LCOR: variants seen among roughly 807,000 people sequenced by gnomAD.
LCOR encodes ligand dependent nuclear receptor corepressor.
Under a neutral mutation model 64.4 loss-of-function variants are expected in LCOR, and 14 were observed. The ratio of observed to expected loss-of-function variants is 0.22; its 90% CI spans 0.14 to 0.34. The LOEUF (loss-of-function observed/expected upper bound fraction) is 0.34. LCOR is among the 10% of genes least tolerant of loss of function. LCOR has a pLI of 1.00. For synonymous variants in LCOR, 643 were observed against 642.5 expected, an observed-to-expected ratio of 1.00 and a Z score of -0.01; for missense variants, 1,686 against 1,765.3, an observed-to-expected ratio of 0.96 and a Z score of 0.80.
At chr10:96,961,411 C>G (rs571636176) in intron 7 of LCOR, 2 of 151,786 alleles carry the variant, frequency 1.3e-5, no homozygotes, top group South Asian at 4.2e-4. Flanking sequence ...ACTCTTTTAC[C>G]CCATCTTGAA....
Position 96,949,137 on chromosome 10 carries a change from GCA to G in LCOR, c.83_84del (p.Thr28LysfsTer32). The G allele has an allele frequency of 6.2e-7, 1 of 1,613,960 alleles. No homozygotes were observed. The highest frequency in any genetic ancestry group is 8.5e-7 in the Non-Finnish European group (1 of 1,179,972). ...ACTCAGGACCCCAGCCAGCCCAATA[GCA>G]CAAAGAACCAAAGCCTGCCGAAAGC... On this transcript the variant is annotated frameshift_variant, in exon 6 of 8. Coordinates refer to ENST00000421806, the MANE Select transcript of LCOR (RefSeq NM_001346516.2). LOFTEE classifies it high-confidence loss of function.
intron 2 of LCOR, among the ~76,000 whole-genome samples, chr10:96,867,627 C>T (rs963967013): frequency 2.0e-5 from 3 of 152,010 alleles, no homozygotes; most frequent in African/African-American, 7.2e-5. Flanking sequence ...AATGTGGTGG[C>T]TCACATCTGT....
At chr10:96,871,275 T>C (rs1470283533) in intron 2 of LCOR, among the ~76,000 whole-genome samples, 13 of 151,484 alleles carry the variant, frequency 8.6e-5, no homozygotes, top group Admixed American at 8.6e-4. Flanking sequence ...CAGGCTAGTC[T>C]CAAACTCCTG....
intron 2 of LCOR, among the ~76,000 whole-genome samples, chr10:96,878,300 T>C (rs180934756): frequency 1.3e-5 from 2 of 152,292 alleles, no homozygotes; most frequent in East Asian, 3.9e-4. Flanking sequence ...GGGAGCAGAA[T>C]TGACACATAG....
Position 96,989,705 on chromosome 10 carries a change from T to A in LCOR, c.*4571T>A, listed in dbSNP as rs1381708074. 302 of 110,356 alleles carry A rather than the reference T, an allele frequency of 2.7e-3. 1 individual carries two copies. Among genetic ancestry groups the A allele is most frequent in the African/African-American group, 0.015 (268 of 18,126 alleles). The allele number at this position is 110,356 out of a possible 1,614,324, so 6.8% of individuals were successfully genotyped here. A position where few individuals can be genotyped will look rare whatever the true frequency, so the allele number is the denominator to read the frequency against. On this transcript the variant is annotated 3_prime_UTR_variant, in exon 8 of 8. Coordinates refer to ENST00000421806, the MANE Select transcript of LCOR (RefSeq NM_001346516.2). ...TATATATATATATATATTTTTTTTT[T>A]TTTTTTTTTTTTTTAATAGAGACGA...
intron 7 of LCOR, chr10:96,957,699 A>C (rs954009516): frequency 1.0e-6 from 1 of 985,408 alleles, no homozygotes; most frequent in Non-Finnish European, 1.2e-6. Flanking sequence ...TGGAGCAATT[A>C]ATTAAATTAG....
In LCOR at chr10:96,986,587, C is replaced by T. The variant is rs926004738; in HGVS notation, c.*1453C>T. 2.0e-5 allele frequency: 3 copies of T among 152,262 alleles called. No individual in the cohort carries two copies. Among genetic ancestry groups the T allele is most frequent in the African/African-American group, 7.2e-5 (3 of 41,462 alleles). The allele number at this position is 152,262 out of a possible 1,614,324, so 9.4% of individuals were successfully genotyped here. ...AGTGAGAGCCACAATGTTTTAATGA[C>T]TTTGTTTGCCTTTCCCAGGTGAAGC... On this transcript the variant is annotated 3_prime_UTR_variant, in exon 8 of 8. Transcript: ENST00000421806.
At chr10:96,881,087 G>A (rs1026613253) in intron 2 of LCOR, among the ~76,000 whole-genome samples, 3 of 152,184 alleles carry the variant, frequency 2.0e-5, no homozygotes, top group African/African-American at 4.8e-5. Flanking sequence ...TTCGTGAAGT[G>A]GGGACAGAGA....
chr10:96,939,698 C>CCACGCCTGTAATCCCAAA (rs1564631996), intron 4 of LCOR, among the ~76,000 whole-genome samples: 3 of 152,160 alleles, frequency 2.0e-5, no homozygotes, highest in African/African-American at 7.2e-5. Context: ...GGCGCGGGGC[C>CCACGCCTGTAATCCCAAA]CACGCCTGTA....
rs1183237720 is a variant in LCOR, at chr10:96,993,762, A to ATATATATATAT, written c.*8629_*8639dup. On this transcript the variant is annotated 3_prime_UTR_variant, in exon 8 of 8. Transcript: ENST00000421806. The stretch of plus-strand genomic sequence containing the variant: ...TTATGTTATATTATATATATATATT[A>ATATATATATAT]TATATATATATATACAGGTGTATGA... 1 of 133,910 alleles carries ATATATATATAT rather than the reference A, an allele frequency of 7.5e-6. No individual in the cohort carries two copies. Among genetic ancestry groups the ATATATATATAT allele is most frequent in the African/African-American group, 3.5e-5 (1 of 28,418 alleles). The allele number at this position is 133,910 out of a possible 1,614,324, so 8.3% of individuals were successfully genotyped here. A position where few individuals can be genotyped will look rare whatever the true frequency, so the allele number is the denominator to read the frequency against.
chr10:96,941,241 A>ACCC (rs1310892808), intron 4 of LCOR, among the ~76,000 whole-genome samples: 1 of 65,624 alleles, frequency 1.5e-5, no homozygotes, highest in Non-Finnish European at 3.0e-5. Flanking sequence ...CGGGGGGCTG[A>ACCC]CCCCCCCACC....
rs747128709 is a variant in LCOR, at chr10:96,982,613, T to A, written c.2153T>A (p.Met718Lys). 6 of 1,614,120 alleles carry A rather than the reference T, an allele frequency of 3.7e-6. No homozygotes were observed. Among genetic ancestry groups the A allele is most frequent in the Non-Finnish European group, 5.1e-6 (6 of 1,180,028 alleles). ...QSSPMGLEPP[M>K]SLGKAEDNQS... ...TCCCCAATGGGCTTGGAGCCCCCCATGAGTCTGGGAAAGGCTGAGGACAAC... is the reference window on the plus strand; with the variant it reads ...TCCCCAATGGGCTTGGAGCCCCCCAAGAGTCTGGGAAAGGCTGAGGACAAC... Residue 718 changes from methionine (M) to lysine (K), a missense_variant, in exon 8 of 8, where the codon ATG becomes AAG. Met to Lys is a moderately conservative substitution (Grantham distance 95). This residue lies in a region of LCOR where 1,293 missense variants were observed against 1,410.4 expected (regional missense o/e 0.92). Transcript: ENST00000421806.
intron 4 of LCOR, among the ~76,000 whole-genome samples, chr10:96,926,812 T>A (rs1471474457): frequency 6.6e-6 from 1 of 152,178 alleles, no homozygotes; most frequent in African/African-American, 2.4e-5. Context: ...ATGTTTGACT[T>A]CTTTTTGTTA....
chr10:96,899,892 G>A (rs952053516), intron 2 of LCOR, among the ~76,000 whole-genome samples: 1 of 152,022 alleles, frequency 6.6e-6, no homozygotes, highest in Non-Finnish European at 1.5e-5. Flanking sequence ...TACCAAACAG[G>A]CATAGAGTAC....
chr10:96,881,618 G>A (rs541220445), intron 2 of LCOR, among the ~76,000 whole-genome samples: 10 of 152,006 alleles, frequency 6.6e-5, no homozygotes, highest in African/African-American at 2.4e-4. Context: ...CACCACGCCC[G>A]GCTATTTTTT....
At chr10:96,965,400 C>T (rs770171166) in intron 7 of LCOR, among the ~76,000 whole-genome samples, 5 of 151,382 alleles carry the variant, frequency 3.3e-5, no homozygotes, top group Non-Finnish European at 5.9e-5. Context: ...CGATGGCTCA[C>T]GCCTGTAATC....
intron 2 of LCOR, among the ~76,000 whole-genome samples, chr10:96,891,923 A>G (rs1241269018): frequency 6.6e-6 from 1 of 152,018 alleles, no homozygotes; most frequent in Admixed American, 6.6e-5. Flanking sequence ...TTTTCCTGTT[A>G]GTGATTTCTA....
intron 4 of LCOR, among the ~76,000 whole-genome samples, chr10:96,941,070 C>CA (rs1847455461): frequency 1.2e-5 from 1 of 81,004 alleles, no homozygotes; most frequent in Admixed American, 1.1e-4. Context: ...CGACCCCCCC[C>CA]CCGCCTCCCT....
At chr10:96,890,310 C>A (rs752176692) in intron 2 of LCOR, among the ~76,000 whole-genome samples, 1 of 152,060 alleles carries the variant, frequency 6.6e-6, no homozygotes, top group Non-Finnish European at 1.5e-5. Flanking sequence ...TTTCAAACTC[C>A]TGGCCTCAAG....
Sources: allele counts gnomAD v4.1 joint callset (sites outside exome capture counted in the v4.1 genomes callset), GRCh38; gene constraint gnomAD v4.1.1; regional missense constraint gnomAD v4.1.1; transcripts MANE v1.5; gene names NCBI Gene and HGNC (gene_info 2026-07-23, HGNC 2026-07-21).